Variants in TMC5 observed in about 807,000 individuals in gnomAD.
The protein encoded by TMC5 is transmembrane channel-like protein 5.
Under a neutral mutation model 110.5 loss-of-function variants are expected in TMC5, and 86 were observed. That is an observed-to-expected ratio of 0.78 (90% CI 0.65 to 0.93). The LOEUF is 0.93. Among genes scored for constraint, TMC5 ranks in the 40% least tolerant of loss-of-function variants. The probability of loss-of-function intolerance (pLI) is 0.00; values close to 1 mark genes in which losing one functional copy is unlikely to be tolerated. For synonymous variants in TMC5, 455 were observed against 439.5 expected, an observed-to-expected ratio of 1.04 and a Z score of -0.44; for missense variants, 1,144 against 1,222.8, an observed-to-expected ratio of 0.94 and a Z score of 0.96.
At chr16:19,473,703 G>C (rs1222861662) in intron 11 of TMC5, among the ~76,000 whole-genome samples, 1 of 152,126 alleles carries the variant, frequency 6.6e-6, no homozygotes, top group African/African-American at 2.4e-5. Context: ...AACCTAGCCG[G>C]GCGCGATGGC....
chr16:19,445,575 A>G (rs539422757), intron 4 of TMC5, among the ~76,000 whole-genome samples: 84 of 152,148 alleles, frequency 5.5e-4, no homozygotes, highest in African/African-American at 1.9e-3. Flanking sequence ...AAAAAGAGAC[A>G]TGTTCCAGGA....
Position 19,464,039 on chromosome 16 carries a change from T to C in TMC5, c.1485+15T>C. 6.2e-7 allele frequency: 1 copy of C among 1,611,506 alleles called. No individual in the cohort carries two copies. The highest frequency in any genetic ancestry group is 8.5e-7 in the Non-Finnish European group (1 of 1,178,592). On this transcript the variant is annotated intron_variant, in intron 8 of 21. Transcript: ENST00000542583. The stretch of plus-strand genomic sequence containing the variant: ...TCACTGGGGTGGTAAGTCCTCCACT[T>C]CCCCTACCCCAAGTGCACCAATCAC...
chr16:19,477,054 G>C (rs1251388102), intron 12 of TMC5: 2 of 219,754 alleles, frequency 9.1e-6, no homozygotes, highest in East Asian at 1.6e-4. Context: ...AGACCATCCT[G>C]GCTAACATGG....
chr16:19,422,892 G>A (rs1302735818), intron 1 of TMC5, among the ~76,000 whole-genome samples: 1 of 152,174 alleles, frequency 6.6e-6, no homozygotes, highest in East Asian at 1.9e-4. Context: ...AGGTTGCAGT[G>A]AGCTGAGATT....
chr16:19,445,091 T>C (rs1250497841), intron 4 of TMC5, among the ~76,000 whole-genome samples: 1 of 152,088 alleles, frequency 6.6e-6, no homozygotes, highest in Non-Finnish European at 1.5e-5. Context: ...ATCGCACCAC[T>C]GTACTCCAGC....
At chr16:19,451,673 C>T (rs1378885813) in intron 5 of TMC5, among the ~76,000 whole-genome samples, 2 of 152,088 alleles carry the variant, frequency 1.3e-5, no homozygotes, top group Non-Finnish European at 2.9e-5. Context: ...TGGGTATCCT[C>T]CAATTCAATT....
At chr16:19,417,094 C>CAAAA (rs60613963), upstream of TMC5, among the ~76,000 whole-genome samples, 49,269 of 68,850 alleles carry the variant, frequency 0.72, 17,767 homozygotes, top group South Asian at 0.79. Flanking sequence ...ACTCAGTCTT[C>CAAAA]AAAAAAAAAA....
At chr16:19,466,560 C>T (rs1292831150) in intron 9 of TMC5, among the ~76,000 whole-genome samples, 1 of 152,142 alleles carries the variant, frequency 6.6e-6, no homozygotes, top group Non-Finnish European at 1.5e-5. Context: ...CCATGTTGGC[C>T]AGGCTGGTCT....
intron 2 of TMC5, among the ~76,000 whole-genome samples, chr16:19,436,295 A>AAAAAAAAAAAAGAAAG (rs1491247478): frequency 6.6e-6 from 1 of 150,674 alleles, no homozygotes; most frequent in African/African-American, 2.5e-5. Flanking sequence ...GAAAGGAAAA[A>AAAAAAAAAAAAGAAAG]GAAAAAGAAA....
intron 8 of TMC5, among the ~76,000 whole-genome samples, chr16:19,465,037 TTCTTTCTTTCTTTCTTTCTTTTCCTTCC>T (rs1199991893): frequency 5.4e-4 from 58 of 108,246 alleles, no homozygotes; most frequent in African/African-American, 1.9e-3. Context: ...CTTTCTTTCT[TTCTTTCTTTCTTTCTTTCTTTTCCTTCC>T]TTCCTTCCTT....
rs757490730 is a variant in TMC5 at position 19,440,191 on chromosome 16, G to A, written c.153G>A (p.Arg51=). 4 of 1,614,072 alleles carry A rather than the reference G, an allele frequency of 2.5e-6. No individual in the cohort carries two copies. In the South Asian group the frequency reaches 4.4e-5, roughly 18 times the overall value. ...PLNNPDYPGT[R]SNPYSVASRT... ...ACAATCCAGACTACCCCGGCACCAG[G>A]AGCAATCCATACTCTGTAGCCTCCA... is the stretch of plus-strand genomic sequence containing the variant. Residue 51 remains arginine, a synonymous_variant, in exon 3 of 22, where the codon AGG becomes AGA. Transcript: ENST00000542583.
At chr16:19,473,313 T>G (rs561241890) in intron 11 of TMC5, among the ~76,000 whole-genome samples, 1 of 115,334 alleles carries the variant, frequency 8.7e-6, no homozygotes, top group Non-Finnish European at 1.6e-5. Flanking sequence ...GCCACTGCAC[T>G]CCAGCCTGGG....
Position 19,487,290 on chromosome 16 carries a change from C to G in TMC5, c.2537C>G (p.Thr846Ser), listed in dbSNP as rs1449196263. The change falls in exon 17 of 22, where the codon ACC (threonine) becomes AGC (serine). Residue 846 changes from threonine (T) to serine (S), a missense_variant. Transcript: ENST00000542583. ...TTCTTGCTCTTTTTCCCATCCTTCACCGGGGTCTTGTGCACCCTGGCCATC... is the reference window on the plus strand; with the variant it reads ...TTCTTGCTCTTTTTCCCATCCTTCAGCGGGGTCTTGTGCACCCTGGCCATC... ...FIFLLFFPSF[T>S]GVLCTLAITI... 4.3e-6 allele frequency: 7 copies of G among 1,614,054 alleles called. No homozygotes were observed. Among genetic ancestry groups the G allele is most frequent in the African/African-American group, 2.7e-5 (2 of 74,942 alleles).
upstream of TMC5, among the ~76,000 whole-genome samples, chr16:19,417,094 C>CAA (rs60613963): frequency 0.037 from 2,566 of 69,150 alleles, 187 homozygotes; most frequent in African/African-American, 0.058. Flanking sequence ...ACTCAGTCTT[C>CAA]AAAAAAAAAA....
In TMC5 at chr16:19,451,298, A is replaced by C. The variant is rs528829502; in HGVS notation, c.1048+1667A>C. ...AAGCCACTTAGAACTCTCACCTTTC[A>C]GCCCCATCGCCTATAAGATAACCGT... On this transcript the variant is annotated intron_variant, in intron 5 of 21. Transcript: ENST00000542583. Among the ~76,000 whole-genome samples the C allele has an allele frequency of 3.3e-5, 5 of 152,294 alleles. No individual in the cohort carries two copies. In the South Asian group the frequency reaches 1.0e-3, roughly 32 times the overall value.
At chr16:19,450,924 T>C (rs1313214157) in intron 5 of TMC5, among the ~76,000 whole-genome samples, 1 of 152,104 alleles carries the variant, frequency 6.6e-6, no homozygotes, top group African/African-American at 2.4e-5. Context: ...TCTCTAAGGA[T>C]CACTGTGTGT....
intron 1 of TMC5, among the ~76,000 whole-genome samples, chr16:19,412,494 T>A (rs1214419341): frequency 6.6e-6 from 1 of 152,164 alleles, no homozygotes; most frequent in African/African-American, 2.4e-5. Flanking sequence ...ACCTCCCAAG[T>A]AGCTGAGATT....
chr16:19,413,481 G>T (rs974775547), upstream of TMC5, among the ~76,000 whole-genome samples: 13 of 132,354 alleles, frequency 9.8e-5, no homozygotes, highest in African/African-American at 3.6e-4. Flanking sequence ...CTAAGATTGC[G>T]CCACTGCATT....
At chr16:19,438,454 A>AAAGC in intron 2 of TMC5, among the ~76,000 whole-genome samples, 1 of 150,428 alleles carries the variant, frequency 6.6e-6, no homozygotes, top group Non-Finnish European at 1.5e-5. Context: ...AGAAAGAAAG[A>AAAGC]AAGAAAACTC....
Sources: gnomAD v4.1 joint callset for allele counts (sites outside exome capture counted in the v4.1 genomes callset) on GRCh38, gnomAD v4.1.1 for gene constraint, MANE v1.5 for transcripts, NCBI Gene and HGNC (gene_info 2026-07-23, HGNC 2026-07-21) for gene names.